The following ASIC2 variants were observed in gnomAD, a reference collection of about 807,000 sequenced individuals.
The protein encoded by ASIC2 is acid sensing ion channel subunit 2.
Under a neutral mutation model 57.3 loss-of-function variants are expected in ASIC2, and 25 were observed. The observed-to-expected ratio is 0.44, with a 90% CI of 0.32 to 0.61. ASIC2 has a LOEUF of 0.61. Ranked by LOEUF, ASIC2 falls within the 20% of genes least tolerant of loss-of-function variation. The pLI is 0.06. For synonymous variants in ASIC2, 319 were observed against 307.5 expected, an observed-to-expected ratio of 1.04 and a Z score of -0.39; for missense variants, 641 against 738.1, an observed-to-expected ratio of 0.87 and a Z score of 1.52.
chr17:33,212,243 TAAG>T (rs1256978438), intron 1 of ASIC2, among the ~76,000 whole-genome samples: 1 of 152,282 alleles, frequency 6.6e-6, no homozygotes, highest in African/African-American at 2.4e-5. Context: ...CTCCTTGAGA[TAAG>T]AAGATTATCC....
intron 1 of ASIC2, among the ~76,000 whole-genome samples, chr17:33,698,437 TA>T (rs1298390692): frequency 1.3e-5 from 2 of 152,214 alleles, no homozygotes; most frequent in African/African-American, 4.8e-5. Flanking sequence ...CAAACGTTAT[TA>T]TTAGCTGTCA....
intron 1 of ASIC2, among the ~76,000 whole-genome samples, chr17:33,454,039 A>G (rs1912362708): frequency 6.6e-6 from 1 of 152,092 alleles, no homozygotes; most frequent in South Asian, 2.1e-4. Context: ...TTTGTTATTT[A>G]CTGTTGTTGG....
chr17:33,515,437 A>G (rs149737272), intron 1 of ASIC2, among the ~76,000 whole-genome samples: 1 of 152,266 alleles, frequency 6.6e-6, no homozygotes, highest in African/African-American at 2.4e-5. Context: ...GCCTATGGGT[A>G]TTTCAGGCCC....
At chr17:33,532,728 G>A (rs1476936507) in intron 1 of ASIC2, among the ~76,000 whole-genome samples, 1 of 152,160 alleles carries the variant, frequency 6.6e-6, no homozygotes, top group African/African-American at 2.4e-5. Context: ...CGAGATGATT[G>A]TGGCAGCCTT....
intron 1 of ASIC2, among the ~76,000 whole-genome samples, chr17:33,979,250 A>G (rs975251638): frequency 2.0e-5 from 3 of 152,118 alleles, no homozygotes; most frequent in Non-Finnish European, 4.4e-5. Flanking sequence ...GACCATTCAC[A>G]CTACCTGCCT....
At position 33,582,278 on chromosome 17, in the gene ASIC2, C is replaced by T. The variant is rs139940121; in HGVS notation, c.556-470211G>A. On this transcript the variant is annotated intron_variant, in intron 1 of 9. Transcript: ENST00000359872. ...GTTATTTATTTGGAGGCCTTACAGC[C>T]TGATATGTAGTAAATGCTCAATAAA... Among the ~76,000 whole-genome samples, 232 of 152,266 alleles carry T rather than the reference C, an allele frequency of 1.5e-3. 1 individual carries two copies. Among genetic ancestry groups the T allele is most frequent in the African/African-American group, 5.5e-3 (228 of 41,540 alleles).
chr17:33,760,736 A>G (rs908332842), intron 1 of ASIC2, among the ~76,000 whole-genome samples: 1 of 152,140 alleles, frequency 6.6e-6, no homozygotes, highest in Non-Finnish European at 1.5e-5. Flanking sequence ...TGAAGGTAAG[A>G]GGACAGAACT....
intron 1 of ASIC2, among the ~76,000 whole-genome samples, chr17:33,700,770 C>T (rs192453930): frequency 1.3e-5 from 2 of 152,270 alleles, no homozygotes; most frequent in African/African-American, 4.8e-5. Flanking sequence ...TCAGACACAG[C>T]GCTTTGCAGG....
chr17:33,163,849 G>T (rs2142041708), intron 1 of ASIC2, among the ~76,000 whole-genome samples: 1 of 152,296 alleles, frequency 6.6e-6, no homozygotes, highest in South Asian at 2.1e-4. Context: ...GGTGGTTGGG[G>T]AGGTCTCACT....
intron 3 of ASIC2, among the ~76,000 whole-genome samples, chr17:33,051,820 G>A (rs932696780): frequency 5.9e-5 from 9 of 152,312 alleles, no homozygotes; most frequent in African/African-American, 1.7e-4. Flanking sequence ...AATTTTGTCT[G>A]CCTTAAGAAA....
intron 1 of ASIC2, among the ~76,000 whole-genome samples, chr17:33,176,340 G>T (rs774548257): frequency 1.3e-4 from 20 of 152,162 alleles, no homozygotes; most frequent in Non-Finnish European, 2.5e-4. Context: ...GGGGCTTAAA[G>T]AATTGTTTTT....
chr17:33,668,532 T>C (rs1247185582), intron 1 of ASIC2, among the ~76,000 whole-genome samples: 3 of 152,126 alleles, frequency 2.0e-5, no homozygotes, highest in Admixed American at 6.5e-5. Flanking sequence ...AGTTCCCCAA[T>C]TTTAAGAACT....
chr17:34,052,126 C>T (rs546008993), intron 1 of ASIC2, among the ~76,000 whole-genome samples: 1 of 152,280 alleles, frequency 6.6e-6, no homozygotes, highest in South Asian at 2.1e-4. Context: ...CACTCACTGG[C>T]AACAATTTGT....
At position 34,034,884 on chromosome 17, in the gene ASIC2, C is replaced by T. The variant is rs374663547; in HGVS notation, c.555+121094G>A. ...AAGAGGACACAAACAAATGGAAGAA[C>T]ATTCCATGCTTATGGATAGGAAGAA... On this transcript the variant is annotated intron_variant, in intron 1 of 9. Coordinates refer to the ASIC2 transcript ENST00000359872. 6.2e-4 allele frequency among the ~76,000 whole-genome samples: 94 copies of T among 152,266 alleles called. No individual in the cohort carries two copies. The East Asian group carries it at 0.01, about 16-fold the overall frequency.
chr17:34,150,893 T>C (rs1904488950), intron 1 of ASIC2, among the ~76,000 whole-genome samples: 1 of 152,014 alleles, frequency 6.6e-6, no homozygotes, highest in African/African-American at 2.4e-5. Context: ...GGTGGGCAGA[T>C]CACAAGGTCA....
chr17:33,575,087 C>G (rs530730499), intron 1 of ASIC2, among the ~76,000 whole-genome samples: 1 of 152,236 alleles, frequency 6.6e-6, no homozygotes, highest in South Asian at 2.1e-4. Flanking sequence ...CGCCTGGCCT[C>G]CACACGTCAG....
intron 1 of ASIC2, among the ~76,000 whole-genome samples, chr17:33,648,809 T>C (rs1378374093): frequency 1.3e-5 from 2 of 152,258 alleles, no homozygotes; most frequent in African/African-American, 4.8e-5. Context: ...AAAGTCATGT[T>C]TGAATGATTT....
chr17:33,390,269 C>A (rs1018693401), intron 1 of ASIC2, among the ~76,000 whole-genome samples: 1 of 151,990 alleles, frequency 6.6e-6, no homozygotes, highest in Non-Finnish European at 1.5e-5. Flanking sequence ...GCTGAGATCA[C>A]GCCACTGCAC....
intron 3 of ASIC2, among the ~76,000 whole-genome samples, chr17:33,059,928 T>G (rs565849479): frequency 4.3e-4 from 65 of 152,370 alleles, no homozygotes; most frequent in African/African-American, 1.5e-3. Context: ...GAGCATTTTT[T>G]CATGTGTCTG....
Sources: allele counts gnomAD v4.1 joint callset (sites outside exome capture counted in the v4.1 genomes callset), GRCh38; gene constraint gnomAD v4.1.1; transcripts MANE v1.5; gene names NCBI Gene and HGNC (gene_info 2026-07-23, HGNC 2026-07-21).